Variants in PTPRD observed in about 807,000 individuals in gnomAD.
PTPRD encodes receptor-type tyrosine-protein phosphatase delta.
A neutral mutation model predicts 214.5 loss-of-function variants in PTPRD; 34 were observed. That is an observed-to-expected ratio of 0.16 (90% CI 0.12 to 0.21). The LOEUF (loss-of-function observed/expected upper bound fraction) is 0.21, where lower values mean the gene tolerates loss of function less well. Among genes scored for constraint, PTPRD ranks in the 10% least tolerant of loss-of-function variants. The pLI, the probability that PTPRD is intolerant of heterozygous loss-of-function variation, is 1.00. For missense variants in PTPRD, 2,545 were observed against 2,398.7 expected (o/e 1.06, Z -1.27); for synonymous variants, 1,128 against 845.7 (o/e 1.33, Z -5.79).
At chr9:10,315,215 T>C (rs1177368191) in intron 3 of PTPRD, among the ~76,000 whole-genome samples, 1 of 151,906 alleles carries the variant, frequency 6.6e-6, no homozygotes, top group African/African-American at 2.4e-5. Flanking sequence ...GAGCTTTCAG[T>C]TTCATCTCTA....
intron 8 of PTPRD, among the ~76,000 whole-genome samples, chr9:9,512,146 T>A (rs867826174): frequency 4.6e-5 from 7 of 151,784 alleles, no homozygotes; most frequent in Non-Finnish European, 7.4e-5. Context: ...CTTGTTGAAC[T>A]CATGATCTCT....
At position 8,371,226 on chromosome 9, in the gene PTPRD, GA is replaced by G. The variant is rs994404196; in HGVS notation, c.4661+4709del. 1.1e-3 allele frequency among the ~76,000 whole-genome samples: 165 copies of G among 151,792 alleles called. 1 individual carries two copies. In the Middle Eastern group the frequency reaches 0.031, roughly 28 times the overall value. On this transcript the variant is annotated intron_variant, in intron 39 of 45. Coordinates refer to ENST00000381196, the MANE Select transcript of PTPRD (RefSeq NM_002839.4). ...ATAAAGAAATACCCCAATATAAAGG[GA>G]AAAAAATATAGTCTCTAAGGTGAAA...
intron 3 of PTPRD, among the ~76,000 whole-genome samples, chr9:10,212,700 G>C (rs554193723): frequency 7.2e-5 from 11 of 152,232 alleles, no homozygotes; most frequent in Non-Finnish European, 1.6e-4. Context: ...TCACCATTGA[G>C]AGCCTCTGTT....
In PTPRD at chr9:9,057,608, G is replaced by C. The variant is rs191847828; in HGVS notation, c.-142-38873C>G. Among the ~76,000 whole-genome samples, 182 of 151,736 alleles carry C rather than the reference G, an allele frequency of 1.2e-3. 1 individual carries two copies. The highest frequency in any genetic ancestry group is 4.3e-3 in the African/African-American group (176 of 41,306). On this transcript the variant is annotated intron_variant, in intron 10 of 45. Transcript: ENST00000381196. ...AGAGAGAAAGTTGATGGGTAGATCT[G>C]ACATGTTACCGTAATAATTTCTCGT...
intron 44 of PTPRD, among the ~76,000 whole-genome samples, chr9:8,322,561 T>C (rs1200344349): frequency 4.0e-5 from 6 of 151,686 alleles, no homozygotes; most frequent in African/African-American, 1.5e-4. Context: ...GGCTGGGAGG[T>C]GAGGAGGCTG....
intron 11 of PTPRD, chr9:8,858,233 G>T (rs1043093675): frequency 6.5e-6 from 1 of 154,136 alleles, no homozygotes; most frequent in African/African-American, 2.4e-5. Context: ...CTTTTAAAGC[G>T]GATTCTTTGG....
chr9:8,616,791 G>A (rs1033497041), intron 14 of PTPRD, among the ~76,000 whole-genome samples: 1 of 152,078 alleles, frequency 6.6e-6, no homozygotes, highest in Non-Finnish European at 1.5e-5. Context: ...TTTATTCTTA[G>A]ATGTTTTGGA....
At chr9:10,241,233 G>C (rs2090982193) in intron 3 of PTPRD, among the ~76,000 whole-genome samples, 1 of 151,910 alleles carries the variant, frequency 6.6e-6, no homozygotes, top group South Asian at 2.1e-4. Flanking sequence ...AACTGGAACT[G>C]TCATATGCTA....
chr9:10,526,900 A>C (rs901531932), intron 2 of PTPRD, among the ~76,000 whole-genome samples: 1 of 152,112 alleles, frequency 6.6e-6, no homozygotes, highest in Non-Finnish European at 1.5e-5. Context: ...TTCATTATCT[A>C]TGTGTTCATC....
At chr9:9,838,429 T>G (rs1412337134) in intron 5 of PTPRD, among the ~76,000 whole-genome samples, 1 of 152,102 alleles carries the variant, frequency 6.6e-6, no homozygotes, top group Non-Finnish European at 1.5e-5. Flanking sequence ...CTCCAGCACC[T>G]GTTGTTTCCT....
intron 9 of PTPRD, among the ~76,000 whole-genome samples, chr9:9,354,672 T>C (rs147584296): frequency 6.6e-6 from 1 of 151,392 alleles, no homozygotes; most frequent in East Asian, 2.0e-4. Context: ...CATTAGGAGG[T>C]AAAAAGTGCT....
intron 12 of PTPRD, among the ~76,000 whole-genome samples, chr9:8,703,768 C>T: frequency 6.6e-6 from 1 of 152,112 alleles, no homozygotes; most frequent in East Asian, 1.9e-4. Flanking sequence ...AAGAGAATAT[C>T]CCCAGCCCAG....
intron 2 of PTPRD, among the ~76,000 whole-genome samples, chr9:10,517,434 T>A (rs2050505268): frequency 6.6e-6 from 1 of 152,054 alleles, no homozygotes; most frequent in South Asian, 2.1e-4. Flanking sequence ...AAAATTTTAC[T>A]CAATTTGTTT....
chr9:9,999,020 A>C (rs7047487), intron 4 of PTPRD, among the ~76,000 whole-genome samples: 2,736 of 152,302 alleles, frequency 0.018, 96 homozygotes, highest in African/African-American at 0.063. Context: ...AGCCAAAGGA[A>C]ATAGATTAGC....
intron 10 of PTPRD, among the ~76,000 whole-genome samples, chr9:9,033,048 C>T (rs2099610609): frequency 6.6e-6 from 1 of 152,096 alleles, no homozygotes; most frequent in South Asian, 2.1e-4. Context: ...AGTGCTCATG[C>T]ATGTACTTAT....
intron 30 of PTPRD, among the ~76,000 whole-genome samples, chr9:8,472,427 A>G (rs2096671439): frequency 1.3e-5 from 2 of 152,138 alleles, no homozygotes; most frequent in Admixed American, 6.5e-5. Context: ...GCCTCTTTCT[A>G]TTCATCTCAA....
chr9:9,152,124 G>C (rs1292537699), intron 10 of PTPRD, among the ~76,000 whole-genome samples: 1 of 152,196 alleles, frequency 6.6e-6, no homozygotes, highest in Admixed American at 6.5e-5. Flanking sequence ...TACGAATGAA[G>C]AGCTGGTCAC....
At chr9:8,807,995 T>C (rs983462005) in intron 11 of PTPRD, among the ~76,000 whole-genome samples, 3 of 152,190 alleles carry the variant, frequency 2.0e-5, no homozygotes, top group African/African-American at 7.2e-5. Flanking sequence ...TTTCAAACAC[T>C]GCTTGGGGAC....
At chr9:9,604,636 T>C (rs1428702858) in intron 7 of PTPRD, among the ~76,000 whole-genome samples, 1 of 152,076 alleles carries the variant, frequency 6.6e-6, no homozygotes, top group African/African-American at 2.4e-5. Flanking sequence ...TACTACTACA[T>C]TTTATTTTGT....
Sources: gnomAD v4.1 joint callset for allele counts (sites outside exome capture counted in the v4.1 genomes callset) on GRCh38, gnomAD v4.1.1 for gene constraint, MANE v1.5 for transcripts, NCBI Gene and HGNC (gene_info 2026-07-23, HGNC 2026-07-21) for gene names.